GDF11: variants seen among roughly 807,000 people sequenced by gnomAD.
GDF11 encodes the protein growth differentiation factor 11, also known as growth/differentiation factor 11.
GDF11 carries 12 observed loss-of-function variants against 34.4 expected under a neutral mutation model. That is an observed-to-expected ratio of 0.35 (90% CI 0.22 to 0.57). The LOEUF is 0.57. GDF11 is among the 20% of genes least tolerant of loss of function. GDF11 has a pLI of 0.86. For synonymous variants in GDF11, 212 were observed against 231.1 expected (o/e 0.92, Z 0.75); for missense variants, 346 against 548.2 (o/e 0.63, Z 3.68).
At position 55,749,033 on chromosome 12, in the gene GDF11, G is replaced by A; in HGVS notation, c.843+50G>A. On this transcript the variant is annotated intron_variant, in intron 2 of 2. Transcript: ENST00000257868. This position sits in a 1 kb window ranked among gnomAD's most constrained non-coding sequence, Gnocchi z 5.6. ...GATATGTGTAACCTGGCCCTGAGGA[G>A]ATAGGGTTACATTGGAAAAGGTAGA... 4 of 1,510,502 alleles carry A rather than the reference G, an allele frequency of 2.6e-6. No individual in the cohort carries two copies. The highest frequency in any genetic ancestry group is 3.5e-6 in the Non-Finnish European group (4 of 1,128,848). 93.6% of individuals were successfully genotyped at this position (1,510,502 alleles called of 1,614,324 possible).
At position 55,748,787 on chromosome 12, in the gene GDF11, G is replaced by T. The variant is rs151157196; in HGVS notation, c.647G>T (p.Arg216Leu). 1.2e-6 allele frequency: 2 copies of T among 1,614,170 alleles called. No homozygotes were observed. Among genetic ancestry groups the T allele is most frequent in the Non-Finnish European group, 1.7e-6 (2 of 1,180,026 alleles). The change falls in exon 2 of 3, where the codon CGG becomes CTG. Residue 216 changes from arginine (R) to leucine (L), a missense_variant. Physicochemically the swap from Arg to Leu is moderately radical, Grantham distance 102. Transcript: ENST00000257868. This position sits in a 1 kb window ranked among gnomAD's most constrained non-coding sequence, Gnocchi z 5.6. The stretch of plus-strand genomic sequence containing the variant: ...ACCGCAGGGGGAGGGGGCGGAGGCC[G>T]GCGTCACATCCGTATCCGCTCACTG... Reference protein sequence around the residue: ...EGTAGGGGGGRRHIRIRSLKI... With the variant: ...EGTAGGGGGGLRHIRIRSLKI...
In GDF11 at chr12:55,754,505, G is replaced by T. The variant is rs1878440878; in HGVS notation, c.*4623G>T. 6.6e-6 allele frequency: 1 copy of T among 152,206 alleles called. No individual in the cohort carries two copies. The highest frequency in any genetic ancestry group is 2.4e-5 in the African/African-American group (1 of 41,432). The allele number at this position is 152,206 out of a possible 1,614,324, so 9.4% of individuals were successfully genotyped here. A position where few individuals can be genotyped will look rare whatever the true frequency, so the allele number is the denominator to read the frequency against. On this transcript the variant is annotated 3_prime_UTR_variant, in exon 3 of 3. Coordinates refer to ENST00000257868, the MANE Select transcript of GDF11 (RefSeq NM_005811.5). ...GTCCAGCTTTCCTGCCAGTGAGCTG[G>T]GCTTGAGGGAGTGAATGGGACTCTT...
chr12:55,749,879 T>G lies in GDF11; in HGVS notation c.1221T>G (p.Ser407=). The G allele has an allele frequency of 6.2e-7, 1 of 1,611,492 alleles. No homozygotes were observed. The highest frequency in any genetic ancestry group is 8.5e-7 in the Non-Finnish European group (1 of 1,178,298). The part of the protein sequence containing the change: ...PGMVVDRCGC[S] ...TGGTGGTGGATCGCTGTGGCTGCTC[T>G]TAAGGTGGGGGATAGAGGATGCCTC... Residue 407 remains serine, a synonymous_variant, in exon 3 of 3, where the codon TCT becomes TCG. Coordinates refer to ENST00000257868, the MANE Select transcript of GDF11 (RefSeq NM_005811.5). This position sits in a 1 kb window ranked among gnomAD's most constrained non-coding sequence, Gnocchi z 5.6.
In GDF11 at chr12:55,743,403, G is replaced by T; in HGVS notation, c.87G>T (p.Ala29=). 1 of 859,110 alleles carries T rather than the reference G, an allele frequency of 1.2e-6. No individual in the cohort carries two copies. The highest frequency in any genetic ancestry group is 1.4e-6 in the Non-Finnish European group (1 of 716,774). The allele number at this position is 859,110 out of a possible 1,614,324, so 53.2% of individuals were successfully genotyped here. ...RPRGEAAEGP[A]AAAAAAAAAA... ...GGGGGGAGGCGGCCGAGGGCCCCGC[G>T]GCGGCGGCGGCGGCGGCGGCGGCGG... The change falls in exon 1 of 3, where the codon GCG becomes GCT. Residue 29 remains alanine, a synonymous_variant. Transcript: ENST00000257868.
At chr12:55,743,933 A>T (rs1193518979) in intron 1 of GDF11, among the ~76,000 whole-genome samples, 172 bp downstream of exon 1, 4 of 152,044 alleles carry the variant, frequency 2.6e-5, no homozygotes, top group African/African-American at 9.7e-5. Flanking sequence ...AGCGGTGGAG[A>T]TGGGCTGCAA....
chr12:55,748,757 A>T lies in GDF11; in HGVS notation c.617A>T (p.Glu206Val). ...TTGCGACTAAAACCCCTAACTGGGGAAGGGACCGCAGGGGGAGGGGGCGGA... is the reference window on the plus strand; with the variant it reads ...TTGCGACTAAAACCCCTAACTGGGGTAGGGACCGCAGGGGGAGGGGGCGGA... The part of the protein sequence containing the change: ...QILRLKPLTG[E>V]GTAGGGGGGR... Residue 206 changes from glutamate (E) to valine (V), a missense_variant, in exon 2 of 3, where the codon GAA becomes GTA. Transcript: ENST00000257868. This position sits in a 1 kb window ranked among gnomAD's most constrained non-coding sequence, Gnocchi z 5.6. 1.2e-6 allele frequency: 2 copies of T among 1,614,184 alleles called. No homozygotes were observed. The highest frequency in any genetic ancestry group is 1.7e-6 in the Non-Finnish European group (2 of 1,180,036).
In GDF11 at chr12:55,750,146, GTAGAGACAGTGA is replaced by G; in HGVS notation, c.*274_*285del. 2.1e-6 allele frequency: 1 copy of G among 479,222 alleles called. No individual in the cohort carries two copies. Among genetic ancestry groups the G allele is most frequent in the Non-Finnish European group, 3.8e-6 (1 of 266,110 alleles). The allele number at this position is 479,222 out of a possible 1,614,324, so 29.7% of individuals were successfully genotyped here. On this transcript the variant is annotated 3_prime_UTR_variant, in exon 3 of 3. Transcript: ENST00000257868. ...AGGTTTGACAAAAAGACAGAGAGAT[GTAGAGACAGTGA>G]TAGAGACAGAGGAACAAAAAGAGCA... is the stretch of plus-strand genomic sequence containing the variant.
In GDF11 at chr12:55,749,515, A is replaced by T; in HGVS notation, c.857A>T (p.Glu286Val). The part of the protein sequence containing the change: ...PGAEGLHPFM[E>V]LRVLENTKRS... ...CCTGACCCTCAGCATCCATTCATGG[A>T]GCTTCGAGTCCTAGAGAACACAAAA... Residue 286 changes from glutamate (E) to valine (V), a missense_variant, in exon 3 of 3, where the codon GAG becomes GTG. This residue lies in a region of GDF11 where 205 missense variants were observed against 311.3 expected (regional missense o/e 0.66). Coordinates refer to ENST00000257868, the MANE Select transcript of GDF11 (RefSeq NM_005811.5). The surrounding 1 kb of genome is among the most constrained non-coding windows in gnomAD (Gnocchi z 5.6). 2 of 1,608,196 alleles carry T rather than the reference A, an allele frequency of 1.2e-6. No individual in the cohort carries two copies. Among genetic ancestry groups the T allele is most frequent in the Non-Finnish European group, 1.7e-6 (2 of 1,175,376 alleles).
Position 55,748,498 on chromosome 12 carries a change from AG to A in GDF11, c.446-87del. 1 of 1,224,264 alleles carries A rather than the reference AG, an allele frequency of 8.2e-7. No individual in the cohort carries two copies. The highest frequency in any genetic ancestry group is 1.1e-6 in the Non-Finnish European group (1 of 875,276). The allele number at this position is 1,224,264 out of a possible 1,614,324, so 75.8% of individuals were successfully genotyped here. ...AAAGAAGAACTGGAAAATCAGGCTG[AG>A]AAGTCCAAAATTGCCAGTGCCACCC... On this transcript the variant is annotated intron_variant, in intron 1 of 2. Coordinates refer to ENST00000257868, the MANE Select transcript of GDF11 (RefSeq NM_005811.5). The surrounding 1 kb of genome is among the most constrained non-coding windows in gnomAD (Gnocchi z 5.6).
rs1878224916 is a variant in GDF11, at chr12:55,748,239, G to C, written c.446-347G>C. On this transcript the variant is annotated intron_variant, in intron 1 of 2. Transcript: ENST00000257868. This position sits in a 1 kb window ranked among gnomAD's most constrained non-coding sequence, Gnocchi z 5.6. ...ATAAGAGGTATGGCTTCTATAAAGAGCTTCAAAGATTCAGAAAATGTTGGA... is the reference window on the plus strand; with the variant it reads ...ATAAGAGGTATGGCTTCTATAAAGACCTTCAAAGATTCAGAAAATGTTGGA... 6.6e-6 allele frequency among the ~76,000 whole-genome samples: 1 copy of C among 152,222 alleles called. No individual in the cohort carries two copies.
rs895812127 is a variant in GDF11, at chr12:55,748,735, C to T, written c.595C>T (p.Arg199Ter). 6.2e-7 allele frequency: 1 copy of T among 1,614,234 alleles called. No homozygotes were observed. The highest frequency in any genetic ancestry group is 8.5e-7 in the Non-Finnish European group (1 of 1,180,046). The change falls in exon 2 of 3, where the codon CGA becomes TGA. Residue 199 changes from arginine (R) to a stop codon, truncating the protein, a stop_gained. Coordinates refer to ENST00000257868, the MANE Select transcript of GDF11 (RefSeq NM_005811.5). LOFTEE classifies it high-confidence loss of function. The surrounding 1 kb of genome is among the most constrained non-coding windows in gnomAD (Gnocchi z 5.6). ...RPATVYLQIL[R>*]LKPLTGEGTA... ...AGCCACAGTCTACCTGCAGATCTTG[C>T]GACTAAAACCCCTAACTGGGGAAGG...
chr12:55,744,873 C>A (rs1055132773), intron 1 of GDF11, among the ~76,000 whole-genome samples: 1 of 152,154 alleles, frequency 6.6e-6, no homozygotes, highest in Non-Finnish European at 1.5e-5. Context: ...AAGCTGGGGG[C>A]TGAGGGGAGT....
Position 55,748,767 on chromosome 12 carries a change from A to C in GDF11, c.627A>C (p.Ala209=). ...RLKPLTGEGT[A]GGGGGGRRHI... ...AACCCCTAACTGGGGAAGGGACCGC[A>C]GGGGGAGGGGGCGGAGGCCGGCGTC... Residue 209 remains alanine (A), a synonymous_variant, in exon 2 of 3, where the codon GCA becomes GCC. Transcript: ENST00000257868. This position sits in a 1 kb window ranked among gnomAD's most constrained non-coding sequence, Gnocchi z 5.6. 6.2e-7 allele frequency: 1 copy of C among 1,614,192 alleles called. No homozygotes were observed. The highest frequency in any genetic ancestry group is 8.5e-7 in the Non-Finnish European group (1 of 1,180,026).
intron 1 of GDF11, among the ~76,000 whole-genome samples, chr12:55,745,337 G>A (rs918223009): frequency 1.3e-5 from 2 of 152,042 alleles, no homozygotes; most frequent in Non-Finnish European, 2.9e-5. Flanking sequence ...TTAACCAACA[G>A]GCCTGAGCCC....
Position 55,743,400 on chromosome 12 carries a change from C to A in GDF11, c.84C>A (p.Pro28=). The A allele has an allele frequency of 1.0e-6, 1 of 992,854 alleles. No individual in the cohort carries two copies. Among genetic ancestry groups the A allele is most frequent in the East Asian group, 1.1e-4 (1 of 9,116 alleles). 61.5% of individuals were successfully genotyped at this position (992,854 alleles called of 1,614,324 possible). A position where few individuals can be genotyped will look rare whatever the true frequency, so the allele number is the denominator to read the frequency against. The change falls in exon 1 of 3, where the codon CCC becomes CCA. Residue 28 remains proline, a synonymous_variant. Coordinates refer to ENST00000257868, the MANE Select transcript of GDF11 (RefSeq NM_005811.5). ...LRPRGEAAEG[P]AAAAAAAAAA... is the part of the protein sequence containing the mutation. ...CCCGGGGGGAGGCGGCCGAGGGCCCCGCGGCGGCGGCGGCGGCGGCGGCGG... is the reference window on the plus strand; with the variant it reads ...CCCGGGGGGAGGCGGCCGAGGGCCCAGCGGCGGCGGCGGCGGCGGCGGCGG...
At position 55,752,315 on chromosome 12, in the gene GDF11, G is replaced by C. The variant is rs1311494729; in HGVS notation, c.*2433G>C. On this transcript the variant is annotated 3_prime_UTR_variant, in exon 3 of 3. Coordinates refer to ENST00000257868, the MANE Select transcript of GDF11 (RefSeq NM_005811.5). Reference sequence around the variant, plus strand: ...CTAGAGAGCTGGGGCATTAAATATGGGGGACACTTAGAATACAGCTCCTTA... The same window carrying C: ...CTAGAGAGCTGGGGCATTAAATATGCGGGACACTTAGAATACAGCTCCTTA... The C allele has an allele frequency of 6.7e-6, 1 of 149,222 alleles. No individual in the cohort carries two copies. The highest frequency in any genetic ancestry group is 2.1e-4 in the South Asian group (1 of 4,670). The allele number at this position is 149,222 out of a possible 1,614,324, so 9.2% of individuals were successfully genotyped here. A position where few individuals can be genotyped will look rare whatever the true frequency, so the allele number is the denominator to read the frequency against.
Position 55,757,244 on chromosome 12 carries a change from A to AG in GDF11, c.*7362_*7363insG, listed in dbSNP as rs1878534708. ...TGGTCTAATCTAGCTCCAATAAATC[A>AG]AAGGAGCACCTAATAAAACACATTG... On this transcript the variant is annotated 3_prime_UTR_variant, in exon 3 of 3. Coordinates refer to ENST00000257868, the MANE Select transcript of GDF11 (RefSeq NM_005811.5). The AG allele has an allele frequency of 3.2e-6, 1 of 308,474 alleles. No homozygotes were observed. Among genetic ancestry groups the AG allele is most frequent in the Non-Finnish European group, 6.0e-6 (1 of 165,610 alleles). The allele number at this position is 308,474 out of a possible 1,614,324, so 19.1% of individuals were successfully genotyped here.
At chr12:55,745,981 TG>T (rs1197230481) in intron 1 of GDF11, among the ~76,000 whole-genome samples, 1 of 123,832 alleles carries the variant, frequency 8.1e-6, no homozygotes, top group East Asian at 2.8e-4. Context: ...TGTGTGTGTT[TG>T]GGGGGGTTAG....
At position 55,749,586 on chromosome 12, in the gene GDF11, G is replaced by T; in HGVS notation, c.928G>T (p.Glu310Ter). Residue 310 changes from glutamate (E) to a stop codon, truncating the protein, a stop_gained, in exon 3 of 3, where the codon GAG becomes TAG. Coordinates refer to ENST00000257868, the MANE Select transcript of GDF11 (RefSeq NM_005811.5). LOFTEE classifies it high-confidence loss of function. The surrounding 1 kb of genome is among the most constrained non-coding windows in gnomAD (Gnocchi z 5.6). Reference sequence around the variant, plus strand: ...TCTGGACTGCGACGAGCACTCAAGCGAGTCCCGCTGCTGCCGATATCCCCT... The same window carrying T: ...TCTGGACTGCGACGAGCACTCAAGCTAGTCCCGCTGCTGCCGATATCCCCT... ...LGLDCDEHSS[E>*]SRCCRYPLTV... 1 of 1,614,148 alleles carries T rather than the reference G, an allele frequency of 6.2e-7. No homozygotes were observed. Among genetic ancestry groups the T allele is most frequent in the Non-Finnish European group, 8.5e-7 (1 of 1,180,020 alleles).
Sources: allele counts gnomAD v4.1 joint callset (sites outside exome capture counted in the v4.1 genomes callset), GRCh38; gene constraint gnomAD v4.1.1; regional missense constraint gnomAD v4.1.1; non-coding constraint Gnocchi (gnomAD v3.1); transcripts MANE v1.5; gene names NCBI Gene and HGNC (gene_info 2026-07-23, HGNC 2026-07-21).